Variants in SLC9A9 observed in about 807,000 individuals in gnomAD.
SLC9A9 encodes the protein sodium/hydrogen exchanger 9.
SLC9A9 carries 62 observed loss-of-function variants against 77.8 expected under a neutral mutation model. The ratio of observed to expected loss-of-function variants is 0.80; its 90% CI spans 0.65 to 0.98. SLC9A9 has a LOEUF of 0.98. Among genes scored for constraint, SLC9A9 ranks in the 50% least tolerant of loss-of-function variants. The probability of loss-of-function intolerance (pLI) is 0.00; values close to 1 mark genes in which losing one functional copy is unlikely to be tolerated. For synonymous variants in SLC9A9, 320 were observed against 283.5 expected (o/e 1.13, Z -1.29); for missense variants, 775 against 774.9 (o/e 1.00, Z 0.00).
intron 14 of SLC9A9, among the ~76,000 whole-genome samples, chr3:143,323,960 A>G (rs2108448136): frequency 6.6e-6 from 1 of 152,058 alleles, no homozygotes; most frequent in African/African-American, 2.4e-5. Flanking sequence ...TAATTTTCCA[A>G]TTATTTAGTT....
intron 2 of SLC9A9, among the ~76,000 whole-genome samples, chr3:143,800,074 G>T (rs1272540901): frequency 2.6e-5 from 4 of 152,056 alleles, no homozygotes; most frequent in African/African-American, 9.7e-5. Context: ...TAAATTATCT[G>T]CTTCCCTGAC....
intron 4 of SLC9A9, among the ~76,000 whole-genome samples, chr3:143,769,293 C>G (rs1318295130): frequency 6.6e-6 from 1 of 152,152 alleles, no homozygotes; most frequent in Non-Finnish European, 1.5e-5. Context: ...GGACCCTGCT[C>G]TGGGAAAGCA....
At chr3:143,440,130 G>A (rs1287318962) in intron 12 of SLC9A9, among the ~76,000 whole-genome samples, 1 of 152,218 alleles carries the variant, frequency 6.6e-6, no homozygotes, top group East Asian at 1.9e-4. Flanking sequence ...GAAAACACAA[G>A]GAGCATATGC....
chr3:143,618,619 A>G (rs189292590), intron 6 of SLC9A9, among the ~76,000 whole-genome samples: 2 of 152,238 alleles, frequency 1.3e-5, no homozygotes, highest in African/African-American at 4.8e-5. Flanking sequence ...CTTAGGACCA[A>G]CCTGGCACGA....
chr3:143,685,959 T>A (rs570918523), intron 5 of SLC9A9, among the ~76,000 whole-genome samples: 1 of 152,304 alleles, frequency 6.6e-6, no homozygotes, highest in African/African-American at 2.4e-5. Flanking sequence ...TAAATATATC[T>A]TCTTTGGTGG....
chr3:143,325,871 T>A (rs1466392813), intron 14 of SLC9A9, among the ~76,000 whole-genome samples: 1 of 152,192 alleles, frequency 6.6e-6, no homozygotes, highest in African/African-American at 2.4e-5. Context: ...ACATCACTTG[T>A]GCATTTTCTG....
chr3:143,554,297 C>A (rs1576573628), intron 8 of SLC9A9, among the ~76,000 whole-genome samples: 2 of 152,298 alleles, frequency 1.3e-5, no homozygotes, highest in East Asian at 3.9e-4. Flanking sequence ...CAGTGAGTTA[C>A]TATCTCACAA....
chr3:143,669,442 A>G (rs1240699493), intron 5 of SLC9A9, among the ~76,000 whole-genome samples: 1 of 152,174 alleles, frequency 6.6e-6, no homozygotes, highest in Non-Finnish European at 1.5e-5. Flanking sequence ...GGAGCTGTTG[A>G]ACTGCTTCAA....
intron 14 of SLC9A9, among the ~76,000 whole-genome samples, chr3:143,348,016 A>AT (rs11397226): frequency 0.31 from 44,839 of 142,370 alleles, 7,437 homozygotes; most frequent in African/African-American, 0.44. Context: ...TTAAGCAGTA[A>AT]TTTTTTTTTT....
intron 13 of SLC9A9, among the ~76,000 whole-genome samples, chr3:143,366,311 A>T (rs2032900423): frequency 6.6e-6 from 1 of 152,230 alleles, no homozygotes; most frequent in Non-Finnish European, 1.5e-5. Flanking sequence ...GGTAGGTTGC[A>T]TTGTACCTAT....
chr3:143,520,249 G>A (rs561997341), intron 9 of SLC9A9, among the ~76,000 whole-genome samples: 1 of 152,306 alleles, frequency 6.6e-6, no homozygotes, highest in South Asian at 2.1e-4. Context: ...GTATTCATTT[G>A]TGGGAGGAAG....
At chr3:143,305,810 G>T (rs1291592514) in intron 14 of SLC9A9, among the ~76,000 whole-genome samples, 2 of 152,170 alleles carry the variant, frequency 1.3e-5, no homozygotes, top group Non-Finnish European at 2.9e-5. Context: ...CCAGAAGTGG[G>T]CTGGCTGGAA....
At chr3:143,614,095 G>A (rs1398544526) in intron 6 of SLC9A9, among the ~76,000 whole-genome samples, 1 of 152,124 alleles carries the variant, frequency 6.6e-6, no homozygotes, top group African/African-American at 2.4e-5. Context: ...CAGCTCCACA[G>A]CAGAAACACA....
chr3:143,654,301 A>G (rs571064785), intron 5 of SLC9A9, among the ~76,000 whole-genome samples: 193 of 152,292 alleles, frequency 1.3e-3, no homozygotes, highest in Non-Finnish European at 1.5e-3. Context: ...TGCAAAATCC[A>G]AAAAAAGAAA....
At chr3:143,518,179 C>T (rs906614079) in intron 9 of SLC9A9, 3 of 1,599,536 alleles carry the variant, frequency 1.9e-6, no homozygotes, top group Non-Finnish European at 2.5e-6. Context: ...TCGGATCCTC[C>T]TTACACATTT....
intron 4 of SLC9A9, among the ~76,000 whole-genome samples, chr3:143,703,018 TATA>T (rs1933848832): frequency 6.6e-6 from 1 of 152,052 alleles, no homozygotes; most frequent in Non-Finnish European, 1.5e-5. Context: ...AGCAAGAGAA[TATA>T]ATGATTGTAA....
chr3:143,675,238 CAG>C (rs2039218956), intron 5 of SLC9A9, among the ~76,000 whole-genome samples: 1 of 152,186 alleles, frequency 6.6e-6, no homozygotes. Flanking sequence ...TGCATAGTAA[CAG>C]GGATTGAACT....
intron 14 of SLC9A9, among the ~76,000 whole-genome samples, chr3:143,334,607 T>C (rs553338264): frequency 6.6e-6 from 1 of 152,322 alleles, no homozygotes; most frequent in East Asian, 1.9e-4. Context: ...TGTTATTGTG[T>C]GTATTAAATG....
At chr3:143,545,341 C>T (rs6791556) in intron 9 of SLC9A9, among the ~76,000 whole-genome samples, 79,183 of 151,972 alleles carry the variant, frequency 0.52, 20,813 homozygotes, top group African/African-American at 0.57. Context: ...TGCATCCCTC[C>T]ATGTTAATAT....
Sources: allele counts gnomAD v4.1 joint callset (sites outside exome capture counted in the v4.1 genomes callset), GRCh38; gene constraint gnomAD v4.1.1; transcripts MANE v1.5; gene names NCBI Gene and HGNC (gene_info 2026-07-23, HGNC 2026-07-21).